Variants in ADAMTS6 observed in about 807,000 individuals in gnomAD.
ADAMTS6 encodes the protein ADAM metallopeptidase with thrombospondin type 1 motif 6, also known as A disintegrin and metalloproteinase with thrombospondin motifs 6.
Under a neutral mutation model 144.3 loss-of-function variants are expected in ADAMTS6, and 23 were observed. The ratio of observed to expected loss-of-function variants is 0.16; its 90% confidence interval spans 0.11 to 0.23. The LOEUF is 0.23. Ranked by LOEUF, ADAMTS6 falls within the 10% of genes least tolerant of loss-of-function variation. The probability of loss-of-function intolerance (pLI) is 1.00; values close to 1 mark genes in which losing one functional copy is unlikely to be tolerated. For missense variants in ADAMTS6, 999 were observed against 1,379.6 expected (o/e 0.72, Z 4.37); for synonymous variants, 444 against 457.5 (o/e 0.97, Z 0.38).
chr5:65,305,237 A>G (rs561673270), intron 9 of ADAMTS6, among the ~76,000 whole-genome samples: 1 of 152,330 alleles, frequency 6.6e-6, no homozygotes, highest in East Asian at 1.9e-4. Context: ...TCTTTCTACT[A>G]TAGCAATATT....
At chr5:65,397,828 G>A (rs1176327753) in intron 7 of ADAMTS6, among the ~76,000 whole-genome samples, 1 of 143,690 alleles carries the variant, frequency 7.0e-6, no homozygotes, top group African/African-American at 2.6e-5. Flanking sequence ...AGTGAGCTAT[G>A]ATTTTGCCAC....
intron 10 of ADAMTS6, among the ~76,000 whole-genome samples, chr5:65,296,632 A>G (rs1742862791): frequency 6.6e-6 from 1 of 152,202 alleles, no homozygotes; most frequent in African/African-American, 2.4e-5. Context: ...GGTCATTGCT[A>G]GAGAGGAAAT....
chr5:65,355,538 C>T (rs1254786082), intron 7 of ADAMTS6, among the ~76,000 whole-genome samples: 1 of 151,900 alleles, frequency 6.6e-6, no homozygotes, highest in Non-Finnish European at 1.5e-5. Flanking sequence ...TCACTCAAAT[C>T]ACATGCCTTC....
At chr5:65,352,842 T>C (rs983184483) in intron 7 of ADAMTS6, among the ~76,000 whole-genome samples, 1 of 152,004 alleles carries the variant, frequency 6.6e-6, no homozygotes, top group Non-Finnish European at 1.5e-5. Context: ...AACATAATGA[T>C]ATATATATTT....
At chr5:65,171,051 T>C (rs1336423668) in intron 23 of ADAMTS6, among the ~76,000 whole-genome samples, 3 of 151,412 alleles carry the variant, frequency 2.0e-5, no homozygotes, top group African/African-American at 7.3e-5. Flanking sequence ...GCTCTGTCGC[T>C]CAGGCTGGAG....
At chr5:65,420,745 G>T (rs1262597165) in intron 7 of ADAMTS6, among the ~76,000 whole-genome samples, 2 of 152,146 alleles carry the variant, frequency 1.3e-5, no homozygotes, top group Middle Eastern at 3.2e-3. Flanking sequence ...TAAAGTATTA[G>T]ATGTAGCTGG....
chr5:65,263,383 A>G (rs1362401789), intron 12 of ADAMTS6, among the ~76,000 whole-genome samples: 4 of 151,606 alleles, frequency 2.6e-5, no homozygotes, highest in African/African-American at 9.7e-5. Context: ...TTCCCCAGTA[A>G]GGAATTTTTA....
chr5:65,276,655 T>C (rs1762570665), intron 11 of ADAMTS6, among the ~76,000 whole-genome samples: 1 of 152,230 alleles, frequency 6.6e-6, no homozygotes, highest in Non-Finnish European at 1.5e-5. Flanking sequence ...TATATTTGCA[T>C]AGGTATGTCA....
At chr5:65,278,104 A>G (rs10060077) in intron 11 of ADAMTS6, among the ~76,000 whole-genome samples, 44,429 of 150,810 alleles carry the variant, frequency 0.29, 6,717 homozygotes, top group Admixed American at 0.37. Context: ...CTCTTGTGTT[A>G]CTTCACTTAG....
intron 9 of ADAMTS6, among the ~76,000 whole-genome samples, chr5:65,323,450 T>C: frequency 6.6e-6 from 1 of 151,990 alleles, no homozygotes; most frequent in East Asian, 1.9e-4. Context: ...CATGAAATCA[T>C]CATTTTTTAT....
chr5:65,277,584 C>CT (rs142374670), intron 11 of ADAMTS6, among the ~76,000 whole-genome samples: 2,928 of 151,162 alleles, frequency 0.019, 99 homozygotes, highest in African/African-American at 0.067. Flanking sequence ...TTCCATAAAA[C>CT]TAATGCTTTT....
chr5:65,288,451 C>T (rs1283623867), intron 11 of ADAMTS6, among the ~76,000 whole-genome samples: 1 of 152,010 alleles, frequency 6.6e-6, no homozygotes, highest in African/African-American at 2.4e-5. Context: ...TCCTGAGTAG[C>T]TGGGACTACA....
chr5:65,188,267 A>C (rs1754794979), intron 21 of ADAMTS6, 47 bp from the exon 22 acceptor site: 1 of 1,592,522 alleles, frequency 6.3e-7, no homozygotes. Flanking sequence ...TCCTCAGTGC[A>C]TCCAGAGATT....
At chr5:65,304,094 G>T (rs538493837) in intron 9 of ADAMTS6, among the ~76,000 whole-genome samples, 1 of 152,316 alleles carries the variant, frequency 6.6e-6, no homozygotes, top group Admixed American at 6.5e-5. Context: ...TTAGGTGTCA[G>T]ATGCAGATAG....
chr5:65,476,871 C>T (rs1206357721), intron 1 of ADAMTS6, among the ~76,000 whole-genome samples: 1 of 152,122 alleles, frequency 6.6e-6, no homozygotes, highest in African/African-American at 2.4e-5. Context: ...CCTCAGCCTC[C>T]CAAAGTGCTG....
chr5:65,389,549 AT>A (rs1408459983), intron 7 of ADAMTS6, among the ~76,000 whole-genome samples: 11 of 151,590 alleles, frequency 7.3e-5, no homozygotes, highest in Non-Finnish European at 1.6e-4. Context: ...ATATTGGAGG[AT>A]ATGAGAGTAT....
rs1187880812 is a variant in ADAMTS6 at position 65,328,539 on chromosome 5, A to G, written c.1223+839T>C. ...TTTTAGAAGAGCTTTCCTGCTAAAAAAAAAAAATCCTGTTAGTAAATTGGA... is the reference window on the plus strand; with the variant it reads ...TTTTAGAAGAGCTTTCCTGCTAAAAGAAAAAAATCCTGTTAGTAAATTGGA... On this transcript the variant is annotated intron_variant, in intron 9 of 24. Coordinates refer to ENST00000381055, the MANE Select transcript of ADAMTS6 (RefSeq NM_197941.4). Among the ~76,000 whole-genome samples the G allele has an allele frequency of 2.0e-5, 3 of 152,186 alleles. No homozygotes were observed. The East Asian group carries it at 5.8e-4, about 29-fold the overall frequency.
chr5:65,275,468 G>A (rs1265879133), intron 11 of ADAMTS6, among the ~76,000 whole-genome samples: 1 of 145,678 alleles, frequency 6.9e-6, no homozygotes, highest in African/African-American at 2.8e-5. Context: ...GAAAGAAAGA[G>A]AAAGAAAGGG....
chr5:65,281,539 C>T (rs902203162), intron 11 of ADAMTS6, among the ~76,000 whole-genome samples: 1 of 152,046 alleles, frequency 6.6e-6, no homozygotes, highest in Non-Finnish European at 1.5e-5. Flanking sequence ...TAAAAAGATA[C>T]TGTTAACATA....
Sources: gnomAD v4.1 joint callset for allele counts (sites outside exome capture counted in the v4.1 genomes callset) on GRCh38, gnomAD v4.1.1 for gene constraint, MANE v1.5 for transcripts, NCBI Gene and HGNC (gene_info 2026-07-23, HGNC 2026-07-21) for gene names.